TAFA4: variants seen among roughly 807,000 people sequenced by gnomAD.
The protein encoded by TAFA4 is chemokine-like protein TAFA-4.
A neutral mutation model predicts 21.1 loss-of-function variants in TAFA4; 20 were observed. The observed-to-expected ratio is 0.95, with a 90% CI of 0.67 to 1.38. The LOEUF is 1.38. Among genes scored for constraint, TAFA4 ranks in the 40% most tolerant of loss-of-function variants. The probability of loss-of-function intolerance (pLI) is 0.00; values close to 1 mark genes in which losing one functional copy is unlikely to be tolerated. For missense variants in TAFA4, 211 were observed against 180.9 expected, an observed-to-expected ratio of 1.17 and a Z score of -0.95; for synonymous variants, 71 against 67.4, an observed-to-expected ratio of 1.05 and a Z score of -0.26.
rs201172771 is a variant in TAFA4 at position 68,875,917 on chromosome 3, T to TAAAA, written c.130+4809_130+4812dup. On this transcript the variant is annotated intron_variant, in intron 3 of 5. Transcript: ENST00000295569. ...TTCTAAATTTAGTAGTCATTTGTTT[T>TAAAA]AAAAAAAAAAAAGAGAGAGAGAACT... 7.0e-3 allele frequency among the ~76,000 whole-genome samples: 1,013 copies of TAAAA among 144,248 alleles called. 7 individuals carry two copies. Among genetic ancestry groups the TAAAA allele is most frequent in the African/African-American group, 0.025 (975 of 39,628 alleles). 94.6% of individuals were successfully genotyped at this position (144,248 alleles called of 152,430 possible).
chr3:68,872,284 T>C (rs2089491766), intron 3 of TAFA4, among the ~76,000 whole-genome samples: 1 of 152,142 alleles, frequency 6.6e-6, no homozygotes, highest in Non-Finnish European at 1.5e-5. Context: ...GTCATTATGT[T>C]AACTGAAATA....
chr3:68,733,220 C>G (rs371664765), intron 5 of TAFA4, 67 bp from the exon 6 acceptor site: 2 of 1,578,368 alleles, frequency 1.3e-6, no homozygotes, highest in Admixed American at 3.5e-5. Context: ...TTCCTGCCCC[C>G]GAGACCAATA....
chr3:68,776,151 C>G (rs1257943260), intron 3 of TAFA4, among the ~76,000 whole-genome samples: 2 of 151,962 alleles, frequency 1.3e-5, no homozygotes, highest in East Asian at 3.9e-4. Flanking sequence ...AAAAAATAAG[C>G]CGGTAGACTC....
At position 68,893,259 on chromosome 3, in the gene TAFA4, C is replaced by G. The variant is rs114280265; in HGVS notation, c.-122-7949G>C. On this transcript the variant is annotated intron_variant, in intron 1 of 5. Coordinates refer to ENST00000295569, the MANE Select transcript of TAFA4 (RefSeq NM_182522.5). The stretch of plus-strand genomic sequence containing the variant: ...CTGAAAAGTTTTTACATGATAGGAT[C>G]TAACTTCTACATAAAAAATATTTGT... Among the ~76,000 whole-genome samples the G allele has an allele frequency of 2.6e-3, 402 of 152,242 alleles. 3 individuals are homozygous for G. Among genetic ancestry groups the G allele is most frequent in the African/African-American group, 8.9e-3 (370 of 41,536 alleles).
intron 3 of TAFA4, among the ~76,000 whole-genome samples, chr3:68,845,094 C>G (rs1704754841): frequency 6.6e-6 from 1 of 151,314 alleles, no homozygotes; most frequent in Non-Finnish European, 1.5e-5. Context: ...TCTCGTTAAT[C>G]TAAATTGACA....
At chr3:68,900,192 A>G (rs1371400270) in intron 1 of TAFA4, among the ~76,000 whole-genome samples, 1 of 149,804 alleles carries the variant, frequency 6.7e-6, no homozygotes, top group Non-Finnish European at 1.5e-5. Context: ...CAGTAAGCCG[A>G]GATTGCACCA....
intron 3 of TAFA4, among the ~76,000 whole-genome samples, chr3:68,860,014 A>G (rs2089312984): frequency 6.6e-6 from 1 of 152,046 alleles, no homozygotes; most frequent in African/African-American, 2.4e-5. Context: ...TAGACTGGGG[A>G]GTTGGCCTTA....
chr3:68,930,141 CTTTTTT>C (rs530664930), intron 1 of TAFA4, among the ~76,000 whole-genome samples: 18 of 152,204 alleles, frequency 1.2e-4, no homozygotes, highest in African/African-American at 4.3e-4. Flanking sequence ...TCTTCTTTTT[CTTTTTT>C]AATTACTAAA....
At chr3:68,886,894 T>C (rs886570896) in intron 1 of TAFA4, among the ~76,000 whole-genome samples, 2 of 152,246 alleles carry the variant, frequency 1.3e-5, no homozygotes. Flanking sequence ...AATTTCAACA[T>C]GAGTTTTGGA....
chr3:68,878,172 T>TGGA (rs1287303652), intron 3 of TAFA4, among the ~76,000 whole-genome samples: 1 of 152,178 alleles, frequency 6.6e-6, no homozygotes, highest in African/African-American at 2.4e-5. Context: ...CAGCATTTTG[T>TGGA]GGAATTGAAA....
At chr3:68,861,740 C>A (rs964600000) in intron 3 of TAFA4, among the ~76,000 whole-genome samples, 1 of 151,992 alleles carries the variant, frequency 6.6e-6, no homozygotes, top group African/African-American at 2.4e-5. Context: ...CATTCACTTA[C>A]TTCTCACTCC....
intron 1 of TAFA4, among the ~76,000 whole-genome samples, chr3:68,925,702 C>T (rs1362744204): frequency 6.6e-6 from 1 of 152,076 alleles, no homozygotes; most frequent in Non-Finnish European, 1.5e-5. Flanking sequence ...AACATATAGC[C>T]ATGAAAAAGA....
At chr3:68,870,808 C>T (rs1410098951) in intron 3 of TAFA4, among the ~76,000 whole-genome samples, 1 of 151,920 alleles carries the variant, frequency 6.6e-6, no homozygotes, top group Non-Finnish European at 1.5e-5. Flanking sequence ...TTGTTCAACT[C>T]CCACTTATGA....
chr3:68,830,007 TG>T (rs1428403914), intron 3 of TAFA4, among the ~76,000 whole-genome samples: 1 of 152,248 alleles, frequency 6.6e-6, no homozygotes, highest in African/African-American at 2.4e-5. Flanking sequence ...GATGGTAGTT[TG>T]TGTTTCTGTG....
chr3:68,868,486 G>A (rs1575649576), intron 3 of TAFA4, among the ~76,000 whole-genome samples: 1 of 151,888 alleles, frequency 6.6e-6, no homozygotes, highest in Admixed American at 6.6e-5. Flanking sequence ...CTCCAGGACA[G>A]GTCACATGTT....
intron 3 of TAFA4, among the ~76,000 whole-genome samples, chr3:68,827,925 C>T (rs923902634): frequency 9.9e-5 from 15 of 152,134 alleles, no homozygotes; most frequent in African/African-American, 3.6e-4. Context: ...GTTGCCATTG[C>T]TTTTGGTGTT....
intron 1 of TAFA4, among the ~76,000 whole-genome samples, chr3:68,914,709 G>T (rs982287781): frequency 6.6e-6 from 1 of 152,122 alleles, no homozygotes; most frequent in Admixed American, 6.5e-5. Flanking sequence ...AATTAGTGAC[G>T]TTTGGACTTC....
intron 3 of TAFA4, among the ~76,000 whole-genome samples, chr3:68,826,064 T>A (rs2029470): frequency 6.6e-6 from 1 of 151,778 alleles, no homozygotes; most frequent in Admixed American, 6.6e-5. Flanking sequence ...TGAGGGAGGG[T>A]TGTTAAGCAT....
At chr3:68,785,860 A>G (rs1383466829) in intron 3 of TAFA4, among the ~76,000 whole-genome samples, 1 of 152,230 alleles carries the variant, frequency 6.6e-6, no homozygotes, top group Non-Finnish European at 1.5e-5. Context: ...TTTTCTTAAG[A>G]GGCATCTAAA....
Sources: allele counts gnomAD v4.1 joint callset (sites outside exome capture counted in the v4.1 genomes callset), GRCh38; gene constraint gnomAD v4.1.1; transcripts MANE v1.5; gene names NCBI Gene and HGNC (gene_info 2026-07-23, HGNC 2026-07-21).